Variants in ABRAXAS2 observed in about 807,000 individuals in gnomAD.
The protein encoded by ABRAXAS2 is abraxas 2, BRISC complex subunit, also known as BRISC complex subunit Abraxas 2.
A neutral mutation model predicts 49.0 loss-of-function variants in ABRAXAS2; 23 were observed. That is an observed-to-expected ratio of 0.47 (90% CI 0.34 to 0.66). The LOEUF is 0.66. ABRAXAS2 is among the 30% of genes least tolerant of loss of function. ABRAXAS2 has a pLI of 0.01. For missense variants in ABRAXAS2, 443 were observed against 511.9 expected (o/e 0.87, Z 1.30); for synonymous variants, 168 against 180.2 (o/e 0.93, Z 0.54).
At chr10:124,806,053 C>A (rs555090997) in intron 1 of ABRAXAS2, among the ~76,000 whole-genome samples, 75 of 152,150 alleles carry the variant, frequency 4.9e-4, no homozygotes, top group African/African-American at 1.7e-3. Context: ...GTAATCCCAG[C>A]ACTTTGGGAG....
chr10:124,809,410 G>A (rs1290737924), intron 2 of ABRAXAS2, among the ~76,000 whole-genome samples: 3 of 148,954 alleles, frequency 2.0e-5, no homozygotes, highest in Non-Finnish European at 4.5e-5. Context: ...TCAGCCTCCC[G>A]AGTAGCTGGG....
chr10:124,809,934 G>T (rs1356378469), intron 2 of ABRAXAS2, among the ~76,000 whole-genome samples: 1 of 151,782 alleles, frequency 6.6e-6, no homozygotes, highest in Non-Finnish European at 1.5e-5. Flanking sequence ...TGTATTTTTA[G>T]TAGAGACGGG....
In ABRAXAS2 at chr10:124,812,388, C is replaced by T. The variant is rs1020021030; in HGVS notation, c.164-4188C>T. ...AAATATAGCTGGGTGAGGTGGCTCACACCTGTAAAGCTTTCAAAGGCCGTG... is the reference window on the plus strand; with the variant it reads ...AAATATAGCTGGGTGAGGTGGCTCATACCTGTAAAGCTTTCAAAGGCCGTG... On this transcript the variant is annotated intron_variant, in intron 2 of 8. Transcript: ENST00000298492. Among the ~76,000 whole-genome samples the T allele has an allele frequency of 2.6e-5, 4 of 152,256 alleles. No homozygotes were observed. The East Asian group carries it at 7.7e-4, about 29-fold the overall frequency.
At chr10:124,832,688 T>C (rs929739165) in intron 8 of ABRAXAS2, among the ~76,000 whole-genome samples, 1 of 151,498 alleles carries the variant, frequency 6.6e-6, no homozygotes, top group African/African-American at 2.4e-5. Flanking sequence ...GTACTAAAAA[T>C]ACAAAAATTA....
intron 1 of ABRAXAS2, among the ~76,000 whole-genome samples, chr10:124,806,264 C>T (rs1950742999): frequency 2.6e-5 from 4 of 151,358 alleles, no homozygotes; most frequent in Admixed American, 2.6e-4. Flanking sequence ...AGAGATCGCG[C>T]CACTGCACTC....
intron 5 of ABRAXAS2, 43 bp from the exon 6 acceptor site, chr10:124,828,713 A>T: frequency 6.3e-7 from 1 of 1,593,016 alleles, no homozygotes; most frequent in Non-Finnish European, 8.6e-7. Flanking sequence ...TGAATATGAT[A>T]GAATGGTACA....
At chr10:124,817,605 G>A (rs955750462) in intron 3 of ABRAXAS2, among the ~76,000 whole-genome samples, 4 of 152,088 alleles carry the variant, frequency 2.6e-5, no homozygotes, top group East Asian at 3.9e-4. Flanking sequence ...AGTTCCTTCC[G>A]TAACGCCAGC....
chr10:124,819,833 T>C (rs1008851730), intron 4 of ABRAXAS2, among the ~76,000 whole-genome samples: 9 of 151,572 alleles, frequency 5.9e-5, no homozygotes, highest in African/African-American at 2.2e-4. Flanking sequence ...CAAAAGGTCA[T>C]GTATTTATTA....
chr10:124,818,258 C>T (rs944433341), intron 3 of ABRAXAS2, among the ~76,000 whole-genome samples: 13 of 151,660 alleles, frequency 8.6e-5, no homozygotes, highest in African/African-American at 1.5e-4. Context: ...TAGCCAGGTA[C>T]GGTGGTGGGT....
intron 1 of ABRAXAS2, among the ~76,000 whole-genome samples, chr10:124,802,768 T>G (rs1950714753): frequency 6.6e-6 from 1 of 152,228 alleles, no homozygotes; most frequent in Non-Finnish European, 1.5e-5. Flanking sequence ...TGATTCAAAC[T>G]CATTAAACCT....
chr10:124,835,247 TATC>T lies in ABRAXAS2; in HGVS notation c.*278_*280del, dbSNP rs1253398921. ...TGGTAAATTTAGGCAAAGTGAAACT[TATC>T]AGCGTAGTTTCTGTTCTTTAAAATA... On this transcript the variant is annotated 3_prime_UTR_variant, in exon 9 of 9. Transcript: ENST00000298492. The T allele has an allele frequency of 1.6e-4, 45 of 290,194 alleles. No individual in the cohort carries two copies. Among genetic ancestry groups the T allele is most frequent in the Admixed American group, 1.5e-3 (32 of 21,522 alleles). The allele number at this position is 290,194 out of a possible 1,614,324, so 18.0% of individuals were successfully genotyped here.
chr10:124,818,062 G>C (rs539081286), intron 3 of ABRAXAS2, among the ~76,000 whole-genome samples: 1 of 152,084 alleles, frequency 6.6e-6, no homozygotes, highest in African/African-American at 2.4e-5. Context: ...TTAAAATACT[G>C]TCAGCAAAGT....
intron 2 of ABRAXAS2, among the ~76,000 whole-genome samples, chr10:124,808,095 G>C (rs1314421233): frequency 1.3e-5 from 2 of 152,082 alleles, no homozygotes; most frequent in Non-Finnish European, 2.9e-5. Context: ...AGTCCTTTCA[G>C]GTACACTTCA....
At chr10:124,802,880 A>C (rs1950715465) in intron 1 of ABRAXAS2, among the ~76,000 whole-genome samples, 1 of 152,226 alleles carries the variant, frequency 6.6e-6, no homozygotes. Context: ...CCATTAATAA[A>C]AACTGATTTC....
intron 1 of ABRAXAS2, among the ~76,000 whole-genome samples, chr10:124,804,475 C>T (rs553370831): frequency 6.6e-6 from 1 of 152,206 alleles, no homozygotes; most frequent in South Asian, 2.1e-4. Flanking sequence ...GTCTAAAGTT[C>T]TGTGTGAATA....
chr10:124,829,369 A>C (rs771948525), intron 6 of ABRAXAS2, 24 bp from the exon 7 acceptor site: 3 of 1,527,754 alleles, frequency 2.0e-6, no homozygotes, highest in Non-Finnish European at 2.7e-6. Flanking sequence ...ACCTTGAGGC[A>C]TCTTTTTTCT....
At chr10:124,828,668 C>G in intron 5 of ABRAXAS2, 88 bp from the exon 6 acceptor site, 1 of 1,319,774 alleles carries the variant, frequency 7.6e-7, no homozygotes, top group Non-Finnish European at 1.0e-6. Flanking sequence ...GCCACCACAC[C>G]CAGCCCTTTT....
chr10:124,803,186 G>GT (rs1318731926), intron 1 of ABRAXAS2, among the ~76,000 whole-genome samples: 1 of 152,080 alleles, frequency 6.6e-6, no homozygotes, highest in African/African-American at 2.4e-5. Context: ...CAAGATTACT[G>GT]TAAGAACAAG....
intron 1 of ABRAXAS2, among the ~76,000 whole-genome samples, chr10:124,805,275 A>G (rs901915085): frequency 2.2e-4 from 33 of 150,940 alleles, no homozygotes; most frequent in Admixed American, 4.0e-4. Flanking sequence ...CGGAGCTTGC[A>G]GTGAGCCGAG....
Sources: gnomAD v4.1 joint callset for allele counts (sites outside exome capture counted in the v4.1 genomes callset) on GRCh38, gnomAD v4.1.1 for gene constraint, MANE v1.5 for transcripts, NCBI Gene and HGNC (gene_info 2026-07-23, HGNC 2026-07-21) for gene names.